The following STAC2 variants were observed in gnomAD, a reference collection of about 807,000 sequenced individuals.
The protein encoded by STAC2 is SH3 and cysteine-rich domain-containing protein 2.
STAC2 carries 36 observed loss-of-function variants against 49.0 expected under a neutral mutation model. The ratio of observed to expected loss-of-function variants is 0.74; its 90% CI spans 0.56 to 0.97. STAC2 has a LOEUF of 0.97. Ranked by LOEUF, STAC2 falls within the 50% of genes least tolerant of loss-of-function variation. The pLI, the probability that STAC2 is intolerant of heterozygous loss-of-function variation, is 0.00. For synonymous variants in STAC2, 239 were observed against 214.7 expected (o/e 1.11, Z -0.99); for missense variants, 527 against 543.8 (o/e 0.97, Z 0.31).
chr17:39,216,660 T>C lies in STAC2; in HGVS notation c.586+150A>G. ...CTCTGTAGCCCAGGCTGGAGTGCAG[T>C]GGCGTGATCTTGGCTCACTGCAACC... On this transcript the variant is annotated intron_variant, in intron 4 of 10. Transcript: ENST00000333461. The C allele has an allele frequency of 4.6e-6, 3 of 648,134 alleles. No individual in the cohort carries two copies. In the South Asian group the frequency reaches 5.9e-5, roughly 13 times the overall value. 40.1% of individuals were successfully genotyped at this position (648,134 alleles called of 1,614,324 possible). A position where few individuals can be genotyped will look rare whatever the true frequency, so the allele number is the denominator to read the frequency against.
In STAC2 at chr17:39,214,288, A is replaced by G. The variant is rs962258321; in HGVS notation, c.886T>C (p.Ser296Pro). The change falls in exon 8 of 11, where the codon TCC becomes CCC. Residue 296 changes from serine (S) to proline (P), a missense_variant. Coordinates refer to ENST00000333461, the MANE Select transcript of STAC2 (RefSeq NM_198993.5). ...AGAAACTTGTAGAGTGCAACGTAGG[A>G]GTACATGGGCCCCACATCCTTCCGC... ...TLRKDVGPMYSYVALYKFLPQ... is the reference protein window; with the variant it reads ...TLRKDVGPMYPYVALYKFLPQ... 6.2e-7 allele frequency: 1 copy of G among 1,614,062 alleles called. No individual in the cohort carries two copies.
chr17:39,212,897 C>A, intron 10 of STAC2, 98 bp downstream of exon 10: 1 of 1,528,916 alleles, frequency 6.5e-7, no homozygotes, highest in Non-Finnish European at 8.8e-7. Context: ...CCAAGATCAG[C>A]CTCCTCCTGC....
At chr17:39,213,419 G>T in intron 9 of STAC2, 88 bp downstream of exon 9, 4 of 1,515,236 alleles carry the variant, frequency 2.6e-6, no homozygotes, top group Non-Finnish European at 1.8e-6. Flanking sequence ...TTTGGGGCCT[G>T]GAGAGAAGGT....
intron 8 of STAC2, 22 bp downstream of exon 8, chr17:39,214,211 C>T (rs2046379926): frequency 3.7e-6 from 6 of 1,613,100 alleles, no homozygotes; most frequent in Non-Finnish European, 4.2e-6. Context: ...CCCAGCGGGG[C>T]CAGGTCACAA....
chr17:39,215,063 A>G (rs2046389929), intron 5 of STAC2, 40 bp from the exon 6 acceptor site: 2 of 1,613,730 alleles, frequency 1.2e-6, no homozygotes, highest in Non-Finnish European at 1.7e-6. Flanking sequence ...CCCCGAGCCC[A>G]CTGTCATGCT....
chr17:39,219,594 A>G (rs570302263), intron 1 of STAC2, among the ~76,000 whole-genome samples: 1 of 152,314 alleles, frequency 6.6e-6, no homozygotes, highest in South Asian at 2.1e-4. Flanking sequence ...AACACATAGT[A>G]GGTGCTCAAT....
In STAC2 at chr17:39,210,871, T is replaced by C. The variant is rs1225252293; in HGVS notation, c.*1421A>G. On this transcript the variant is annotated 3_prime_UTR_variant, in exon 11 of 11. Transcript: ENST00000333461. ...GGAGGTTGGCACCGAGAAAAGCAGCTGTATTAAGAGAGGGGTCCTCTCTGT... is the reference window on the plus strand; with the variant it reads ...GGAGGTTGGCACCGAGAAAAGCAGCCGTATTAAGAGAGGGGTCCTCTCTGT... The C allele has an allele frequency of 6.6e-6, 1 of 151,146 alleles. No homozygotes were observed. The highest frequency in any genetic ancestry group is 1.5e-5 in the Non-Finnish European group (1 of 67,834). The allele number at this position is 151,146 out of a possible 1,614,324, so 9.4% of individuals were successfully genotyped here. A position where few individuals can be genotyped will look rare whatever the true frequency, so the allele number is the denominator to read the frequency against.
chr17:39,214,364 G>A, intron 7 of STAC2, 34 bp from the exon 8 acceptor site: 1 of 1,612,964 alleles, frequency 6.2e-7, no homozygotes, highest in Non-Finnish European at 8.5e-7. Context: ...TGACCGGAAA[G>A]CAGCACCCTC....
intron 8 of STAC2, among the ~76,000 whole-genome samples, chr17:39,213,966 C>G (rs1673849): frequency 6.6e-6 from 1 of 152,056 alleles, no homozygotes; most frequent in Non-Finnish European, 1.5e-5. Flanking sequence ...GGTGAGCCAC[C>G]GCGCCCCGCT....
chr17:39,218,210 G>A (rs1567832153), intron 1 of STAC2, 37 bp from the exon 2 acceptor site: 1 of 1,611,028 alleles, frequency 6.2e-7, no homozygotes, highest in Non-Finnish European at 8.5e-7. Flanking sequence ...TGGGAGCCTA[G>A]AGGGGGCTGG....
rs1014535955 is a variant in STAC2, at chr17:39,225,352, C to T, written c.90+61G>A. ...AGGACGCCCGGGCCCACAGGAGGAC[C>T]CCGCCGGGAAGAGGGCGCCCGGGCC... is the stretch of plus-strand genomic sequence containing the variant. On this transcript the variant is annotated intron_variant, in intron 1 of 10. Coordinates refer to ENST00000333461, the MANE Select transcript of STAC2 (RefSeq NM_198993.5). The surrounding 1 kb of genome is among the most constrained non-coding windows in gnomAD (Gnocchi z 8.2). 13 of 1,459,966 alleles carry T rather than the reference C, an allele frequency of 8.9e-6. No homozygotes were observed. In the Admixed American group the frequency reaches 1.5e-4, roughly 17 times the overall value. 90.4% of individuals were successfully genotyped at this position (1,459,966 alleles called of 1,614,324 possible).
Position 39,214,802 on chromosome 17 carries a change from G to T in STAC2, c.832C>A (p.Pro278Thr). The T allele has an allele frequency of 6.2e-7, 1 of 1,614,064 alleles. No individual in the cohort carries two copies. Among genetic ancestry groups the T allele is most frequent in the Non-Finnish European group, 8.5e-7 (1 of 1,179,982 alleles). Residue 278 changes from proline (P) to threonine (T), a missense_variant, in exon 7 of 11, where the codon CCT becomes ACT. By Grantham distance (38) the Pro-to-Thr change is conservative. Coordinates refer to ENST00000333461, the MANE Select transcript of STAC2 (RefSeq NM_198993.5). The stretch of plus-strand genomic sequence containing the variant: ...CAGTACAGGCTCACCTGCTGTCCAG[G>T]ACTCTTCTCCTCTGGTCCTGGCCCT... ...SEGPGPEEKS[P>T]GQQLPKATLR...
At position 39,225,542 on chromosome 17, in the gene STAC2, G is replaced by A. The variant is rs762230782; in HGVS notation, c.-40C>T. The A allele has an allele frequency of 1.3e-6, 2 of 1,590,486 alleles. No homozygotes were observed. The highest frequency in any genetic ancestry group is 1.7e-5 in the Admixed American group (1 of 59,778). ...GGAGGAGAGGGTGCCGAGATCCGAC[G>A]GCAGGCCCACCGCGGGCAGGCTGCG... On this transcript the variant is annotated 5_prime_UTR_variant, in exon 1 of 11. Transcript: ENST00000333461. The surrounding 1 kb of genome is among the most constrained non-coding windows in gnomAD (Gnocchi z 8.2).
chr17:39,213,128 T>C lies in STAC2; in HGVS notation c.998A>G (p.Lys333Arg). The change falls in exon 10 of 11, where the codon AAG (lysine) becomes AGG (arginine). Residue 333 changes from lysine to arginine, a missense_variant. Coordinates refer to ENST00000333461, the MANE Select transcript of STAC2 (RefSeq NM_198993.5). ...DDSNEDWWKG[K>R]IGDRVGFFPA... ...GAAGAAGCCAACCCGGTCGCCGATC[T>C]TGCCCTGGGGATGAGGTTGGCAATG... 6.2e-7 allele frequency: 1 copy of C among 1,607,324 alleles called. No individual in the cohort carries two copies. The highest frequency in any genetic ancestry group is 8.5e-7 in the Non-Finnish European group (1 of 1,179,966).
In STAC2 at chr17:39,212,070, C is replaced by T; in HGVS notation, c.*222G>A. 4 of 213,134 alleles carry T rather than the reference C, an allele frequency of 1.9e-5. 1 individual carries two copies. Among genetic ancestry groups the T allele is most frequent in the Non-Finnish European group, 3.8e-5 (4 of 104,940 alleles). The allele number at this position is 213,134 out of a possible 1,614,324, so 13.2% of individuals were successfully genotyped here. The stretch of plus-strand genomic sequence containing the variant: ...CTTCCTCATTCCCTCCCACCCCACC[C>T]CATCCCCGCCAAGTCCCAGAGGATC... On this transcript the variant is annotated 3_prime_UTR_variant, in exon 11 of 11. Transcript: ENST00000333461.
intron 7 of STAC2, 69 bp downstream of exon 7, chr17:39,214,722 T>C: frequency 1.3e-6 from 2 of 1,552,494 alleles, no homozygotes; most frequent in East Asian, 2.3e-5. Context: ...CCCCTATGAA[T>C]CAATGGCAAG....
At chr17:39,222,328 G>A (rs1036364826) in intron 1 of STAC2, among the ~76,000 whole-genome samples, 7 of 152,186 alleles carry the variant, frequency 4.6e-5, no homozygotes, top group African/African-American at 1.7e-4. Context: ...GGGTACCAGG[G>A]CAGCCCCGAC....
intron 4 of STAC2, among the ~76,000 whole-genome samples, chr17:39,215,712 T>C (rs1213776935): frequency 2.0e-5 from 3 of 151,276 alleles, no homozygotes; most frequent in Non-Finnish European, 4.4e-5. Context: ...TCGTTTTTTC[T>C]TTTTTTTTCG....
chr17:39,214,873 A>G lies in STAC2; in HGVS notation c.773-12T>C. On this transcript the variant is annotated splice_polypyrimidine_tract_variant and intron_variant, in intron 6 of 10. Coordinates refer to ENST00000333461, the MANE Select transcript of STAC2 (RefSeq NM_198993.5). ...GAATACTGGAGATGCTAGGGGCAGG[A>G]GAGGGAAAGGGTGAGAGGCAGCAGG... The G allele has an allele frequency of 6.2e-7, 1 of 1,613,974 alleles. No individual in the cohort carries two copies. The highest frequency in any genetic ancestry group is 1.3e-5 in the African/African-American group (1 of 74,984).
Sources: gnomAD v4.1 joint callset for allele counts (sites outside exome capture counted in the v4.1 genomes callset) on GRCh38, gnomAD v4.1.1 for gene constraint, Gnocchi (gnomAD v3.1) non-coding constraint, MANE v1.5 for transcripts, NCBI Gene and HGNC (gene_info 2026-07-23, HGNC 2026-07-21) for gene names.